MGLL: variants seen among roughly 807,000 people sequenced by gnomAD.
MGLL encodes monoglyceride lipase, also known as lysophospholipase homolog.
Under a neutral mutation model 29.1 loss-of-function variants are expected in MGLL, and 7 were observed. That is an observed-to-expected ratio of 0.24 (90% confidence interval 0.14 to 0.45). The LOEUF (loss-of-function observed/expected upper bound fraction) is 0.45. Among genes scored for constraint, MGLL ranks in the 20% least tolerant of loss-of-function variants. The pLI is 0.99. For synonymous variants in MGLL, 148 were observed against 168.3 expected (o/e 0.88, Z 0.93); for missense variants, 356 against 413.6 (o/e 0.86, Z 1.21).
intron 3 of MGLL, among the ~76,000 whole-genome samples, chr3:127,762,700 G>C (rs1314005857): frequency 6.6e-6 from 1 of 152,178 alleles, no homozygotes; most frequent in Non-Finnish European, 1.5e-5. Context: ...CTCTGTCAGG[G>C]ACCATCAAAT....
intron 3 of MGLL, 91 bp from the exon 4 acceptor site, chr3:127,722,657 TCCTGAGCG>T: frequency 1.3e-6 from 2 of 1,538,236 alleles, no homozygotes; most frequent in Admixed American, 3.4e-5. Context: ...TCGCTCTCTC[TCCTGAGCG>T]CCTGAATGTG....
rs759541802 is a variant in MGLL, at chr3:127,721,158, G to A, written c.405C>T (p.Gly135=). Residue 135 remains glycine, a synonymous_variant, in exon 5 of 8, where the codon GGC becomes GGT. Transcript: ENST00000265052. ...PVFLLGHSMG[G]AIAILTAAER... ...CTGCGGCCGTGAGGATGGCGATGGC[G>A]CCTCCCTGTAATGCAGAATGGGCAG... 9.9e-6 allele frequency: 16 copies of A among 1,613,866 alleles called. No individual in the cohort carries two copies. In the East Asian group the frequency reaches 1.1e-4, roughly 11 times the overall value.
intron 2 of MGLL, among the ~76,000 whole-genome samples, chr3:127,788,938 T>G (rs776696772): frequency 6.6e-5 from 10 of 152,180 alleles, no homozygotes; most frequent in Non-Finnish European, 1.0e-4. Context: ...TCATGAAGCA[T>G]TCCCGGAGGC....
intron 3 of MGLL, among the ~76,000 whole-genome samples, chr3:127,754,158 C>T (rs938576280): frequency 2.0e-5 from 3 of 152,198 alleles, no homozygotes; most frequent in Non-Finnish European, 2.9e-5. Context: ...CACTCTCCAG[C>T]TTCCTCCTTG....
At chr3:127,778,657 G>A (rs1014028852) in intron 3 of MGLL, among the ~76,000 whole-genome samples, 5 of 152,172 alleles carry the variant, frequency 3.3e-5, no homozygotes, top group Admixed American at 2.6e-4. Context: ...AGGTGCCATG[G>A]GCCCTGCAGC....
At chr3:127,788,580 A>G (rs1383015588) in intron 2 of MGLL, among the ~76,000 whole-genome samples, 1 of 152,094 alleles carries the variant, frequency 6.6e-6, no homozygotes, top group African/African-American at 2.4e-5. Flanking sequence ...CCTGTACTGC[A>G]ACCACAGGGA....
chr3:127,729,187 C>A (rs2076101412), intron 3 of MGLL, among the ~76,000 whole-genome samples: 1 of 152,068 alleles, frequency 6.6e-6, no homozygotes, highest in Non-Finnish European at 1.5e-5. Context: ...CACTTTATGG[C>A]TTCTGAATTT....
At chr3:127,763,815 G>A (rs2076808938) in intron 3 of MGLL, among the ~76,000 whole-genome samples, 2 of 152,186 alleles carry the variant, frequency 1.3e-5, no homozygotes, top group Admixed American at 6.5e-5. Flanking sequence ...GGGGAGGTAA[G>A]GCTAAACTGC....
intron 3 of MGLL, among the ~76,000 whole-genome samples, chr3:127,723,486 C>T (rs2075972212): frequency 6.6e-6 from 1 of 152,088 alleles, no homozygotes; most frequent in Non-Finnish European, 1.5e-5. Flanking sequence ...CTTGGAGACC[C>T]TCCTGCTGTC....
chr3:127,765,674 C>G (rs533097395), intron 3 of MGLL, among the ~76,000 whole-genome samples: 18 of 152,214 alleles, frequency 1.2e-4, no homozygotes, highest in Non-Finnish European at 2.5e-4. Flanking sequence ...AGTGGGTAAA[C>G]GAACAGAAAC....
At chr3:127,694,286 A>AATAT (rs869111063) in intron 7 of MGLL, among the ~76,000 whole-genome samples, 5,713 of 97,286 alleles carry the variant, frequency 0.059, 395 homozygotes, top group Non-Finnish European at 0.08. Context: ...AAAAAAAAAA[A>AATAT]ATATATATAT....
chr3:127,701,695 C>T (rs1216349448), intron 6 of MGLL, among the ~76,000 whole-genome samples: 1 of 152,176 alleles, frequency 6.6e-6, no homozygotes, highest in African/African-American at 2.4e-5. Flanking sequence ...TATCAACCCT[C>T]GGCTCAGCTG....
intron 2 of MGLL, among the ~76,000 whole-genome samples, chr3:127,787,876 G>A (rs1259920117): frequency 2.0e-5 from 3 of 152,250 alleles, no homozygotes; most frequent in African/African-American, 4.8e-5. Flanking sequence ...GGGCTTGTGA[G>A]AGTGCGTTGG....
intron 2 of MGLL, among the ~76,000 whole-genome samples, chr3:127,789,356 C>T: frequency 6.6e-6 from 1 of 152,174 alleles, no homozygotes; most frequent in East Asian, 1.9e-4. Context: ...TTTGGGAACA[C>T]AATGGGAATT....
chr3:127,694,349 ATATATATGTG>A (rs1401255752), intron 7 of MGLL, among the ~76,000 whole-genome samples: 1 of 78,010 alleles, frequency 1.3e-5, no homozygotes, highest in Admixed American at 1.2e-4. Flanking sequence ...ATGTATGTGT[ATATATATGTG>A]TATATATATG....
chr3:127,736,673 CTTGT>C (rs2076247956), intron 3 of MGLL, among the ~76,000 whole-genome samples: 2 of 152,214 alleles, frequency 1.3e-5, no homozygotes, highest in Admixed American at 6.5e-5. Context: ...TGCTACTCCT[CTTGT>C]TTGTTTATTT....
intron 3 of MGLL, among the ~76,000 whole-genome samples, chr3:127,728,621 C>G (rs2076090596): frequency 6.6e-6 from 1 of 152,192 alleles, no homozygotes; most frequent in Non-Finnish European, 1.5e-5. Flanking sequence ...CAAGCACTCT[C>G]TCATCGCAAA....
At chr3:127,816,162 G>A (rs1437405203) in intron 2 of MGLL, among the ~76,000 whole-genome samples, 4 of 152,196 alleles carry the variant, frequency 2.6e-5, no homozygotes, top group Non-Finnish European at 4.4e-5. Context: ...CTGGTGATGC[G>A]GGAACACCTA....
chr3:127,705,204 C>T (rs2075575231), intron 6 of MGLL, among the ~76,000 whole-genome samples: 2 of 151,662 alleles, frequency 1.3e-5, no homozygotes, highest in South Asian at 2.1e-4. Context: ...GGGAACAATA[C>T]ACACTGGGGC....
Sources: gnomAD v4.1 joint callset for allele counts (sites outside exome capture counted in the v4.1 genomes callset) on GRCh38, gnomAD v4.1.1 for gene constraint, MANE v1.5 for transcripts, NCBI Gene and HGNC (gene_info 2026-07-23, HGNC 2026-07-21) for gene names.